C10orf67: variants seen among roughly 807,000 people sequenced by gnomAD.
C10orf67 encodes the protein uncharacterized protein C10orf67, mitochondrial.
C10orf67 carries 60 observed loss-of-function variants against 35.6 expected under a neutral mutation model. That is an observed-to-expected ratio of 1.68 (90% CI 1.37 to 2.09). The LOEUF (loss-of-function observed/expected upper bound fraction) is 2.09, where lower values mean the gene tolerates loss of function less well. C10orf67 is among the 30% of genes most tolerant of loss of function. The pLI is 0.00. For missense variants in C10orf67, 474 were observed against 330.2 expected (o/e 1.44, Z -3.38); for synonymous variants, 167 against 115.8 (o/e 1.44, Z -2.84).
chr10:23,235,798 AT>A (rs544572150), intron 13 of C10orf67, among the ~76,000 whole-genome samples: 1 of 152,348 alleles, frequency 6.6e-6, no homozygotes, highest in East Asian at 1.9e-4. Context: ...GTGAGATAAC[AT>A]TTTAAAATAG....
intron 1 of C10orf67, among the ~76,000 whole-genome samples, chr10:23,334,267 G>GT (rs1297702131): frequency 1.3e-5 from 2 of 152,202 alleles, no homozygotes; most frequent in Admixed American, 6.5e-5. Flanking sequence ...AGGAACAAGT[G>GT]TTTGTAAATT....
intron 7 of C10orf67, among the ~76,000 whole-genome samples, chr10:23,285,767 G>T (rs977206710): frequency 6.6e-6 from 1 of 152,164 alleles, no homozygotes; most frequent in African/African-American, 2.4e-5. Flanking sequence ...GGTTTTCCAA[G>T]AACTGAAATG....
chr10:23,236,843 C>T (rs1405364753), intron 13 of C10orf67, among the ~76,000 whole-genome samples: 1 of 152,150 alleles, frequency 6.6e-6, no homozygotes, highest in Non-Finnish European at 1.5e-5. Flanking sequence ...TGCCATTGTA[C>T]TCCAGCTTGG....
intron 8 of C10orf67, among the ~76,000 whole-genome samples, chr10:23,271,025 C>A (rs956631899): frequency 1.3e-5 from 2 of 152,154 alleles, no homozygotes; most frequent in Non-Finnish European, 2.9e-5. Context: ...CTTCAACAGA[C>A]CCCTCTCACA....
intron 2 of C10orf67, among the ~76,000 whole-genome samples, chr10:23,331,190 G>C (rs1458407675): frequency 1.8e-5 from 2 of 109,542 alleles, no homozygotes; most frequent in African/African-American, 7.5e-5. Flanking sequence ...GAAGGGAAGG[G>C]AAGGGAAGGG....
Position 23,215,983 on chromosome 10 carries a change from C to A in C10orf67, c.1570+7615G>T, listed in dbSNP as rs1297461468. ...TTGAAGAATAGCTATGACAAACCTA[C>A]AATAAACATCATACTTCATGATGAC... On this transcript the variant is annotated intron_variant, in intron 15 of 15. Coordinates refer to ENST00000636213, the MANE Select transcript of C10orf67 (RefSeq NM_001371909.1). Among the ~76,000 whole-genome samples the A allele has an allele frequency of 4.6e-5, 7 of 152,088 alleles. No homozygotes were observed. In the East Asian group the frequency reaches 7.7e-4, roughly 17 times the overall value.
chr10:23,318,100 TA>T (rs779655068), intron 4 of C10orf67: 289 of 37,048 alleles, frequency 7.8e-3, no homozygotes, highest in Non-Finnish European at 0.01. Flanking sequence ...TCCCTGTCTC[TA>T]AAAAAAAAAA....
At chr10:23,314,675 G>T (rs1312530265) in intron 4 of C10orf67, among the ~76,000 whole-genome samples, 1 of 152,086 alleles carries the variant, frequency 6.6e-6, no homozygotes, top group Non-Finnish European at 1.5e-5. Flanking sequence ...AGCTCACTCA[G>T]TTTGTAGAAA....
At chr10:23,293,734 T>C (rs1037272797) in intron 5 of C10orf67, among the ~76,000 whole-genome samples, 1 of 152,228 alleles carries the variant, frequency 6.6e-6, no homozygotes, top group Non-Finnish European at 1.5e-5. Context: ...GGTGGTGGCA[T>C]ATGTGCTATA....
At chr10:23,256,057 A>G (rs1166044074) in intron 10 of C10orf67, among the ~76,000 whole-genome samples, 1 of 152,176 alleles carries the variant, frequency 6.6e-6, no homozygotes, top group Non-Finnish European at 1.5e-5. Flanking sequence ...GCTGGAGTGC[A>G]GTGGCATGAT....
intron 8 of C10orf67, among the ~76,000 whole-genome samples, chr10:23,281,668 T>C (rs558721328): frequency 6.6e-6 from 1 of 152,356 alleles, no homozygotes; most frequent in African/African-American, 2.4e-5. Context: ...TTGTCACTTA[T>C]GGCAATTTGT....
chr10:23,269,064 A>G (rs954906283), intron 8 of C10orf67, among the ~76,000 whole-genome samples: 23 of 152,214 alleles, frequency 1.5e-4, no homozygotes, highest in South Asian at 2.1e-4. Context: ...TCATACTACT[A>G]TAAGAAATTT....
chr10:23,245,389 T>G (rs1444159206), intron 12 of C10orf67, among the ~76,000 whole-genome samples: 1 of 152,168 alleles, frequency 6.6e-6, no homozygotes, highest in Non-Finnish European at 1.5e-5. Context: ...TAAAGCTTCC[T>G]CACAGCAAAG....
intron 1 of C10orf67, 39 bp downstream of exon 1, chr10:23,344,530 C>T: frequency 1.3e-6 from 2 of 1,544,844 alleles, no homozygotes; most frequent in Non-Finnish European, 1.8e-6. Context: ...CTGGACCCTG[C>T]TCGCTTCCTC....
intron 10 of C10orf67, among the ~76,000 whole-genome samples, chr10:23,251,034 C>G (rs949007909): frequency 6.6e-6 from 1 of 152,110 alleles, no homozygotes; most frequent in Non-Finnish European, 1.5e-5. Flanking sequence ...GAGGTCGAAG[C>G]TGCAGTGAGC....
chr10:23,256,668 GCACT>G (rs971041073), intron 10 of C10orf67, among the ~76,000 whole-genome samples: 2 of 151,786 alleles, frequency 1.3e-5, no homozygotes, highest in African/African-American at 4.8e-5. Flanking sequence ...AGTGGAGCTT[GCACT>G]CACTCACAAG....
Position 23,204,185 on chromosome 10 carries a change from C to T in C10orf67, c.1641G>A (p.Glu547=). 1.6e-6 allele frequency: 1 copy of T among 622,938 alleles called. No homozygotes were observed. The highest frequency in any genetic ancestry group is 1.9e-5 in the South Asian group (1 of 52,990). 38.6% of individuals were successfully genotyped at this position (622,938 alleles called of 1,614,324 possible). ...EPSMRQSSPA[E]TVD is the part of the protein sequence containing the mutation. Reference sequence around the variant, plus strand: ...GGCTTCTGCTGGGTTAATCAACAGTCTCTGCGGGGCTGCTCTGGCGCATGG... The same window carrying T: ...GGCTTCTGCTGGGTTAATCAACAGTTTCTGCGGGGCTGCTCTGGCGCATGG... The change falls in exon 16 of 16, where the codon GAG becomes GAA. Residue 547 remains glutamate, a synonymous_variant. Coordinates refer to ENST00000636213, the MANE Select transcript of C10orf67 (RefSeq NM_001371909.1).
At chr10:23,316,782 A>G (rs1588687169) in intron 4 of C10orf67, 1 of 152,500 alleles carries the variant, frequency 6.6e-6, no homozygotes, top group South Asian at 2.1e-4. Flanking sequence ...AGAAGACCCC[A>G]CAGCGAATAA....
At chr10:23,239,485 G>A (rs371362512) in intron 13 of C10orf67, among the ~76,000 whole-genome samples, 73 of 152,234 alleles carry the variant, frequency 4.8e-4, no homozygotes, top group South Asian at 2.3e-3. Context: ...ATTTATACTT[G>A]CCCCATTGTA....
Sources: gnomAD v4.1 joint callset for allele counts (sites outside exome capture counted in the v4.1 genomes callset) on GRCh38, gnomAD v4.1.1 for gene constraint, MANE v1.5 for transcripts, NCBI Gene and HGNC (gene_info 2026-07-23, HGNC 2026-07-21) for gene names.